Variants in ERCC2 observed in about 807,000 individuals in gnomAD.
ERCC2 encodes general transcription and DNA repair factor IIH helicase subunit XPD.
ERCC2 carries 90 observed loss-of-function variants against 99.4 expected under a neutral mutation model. That is an observed-to-expected ratio of 0.91 (90% CI 0.76 to 1.08). The LOEUF is 1.08. ERCC2 is among the 50% of genes least tolerant of loss of function. The pLI, the probability that ERCC2 is intolerant of heterozygous loss-of-function variation, is 0.00. For missense variants in ERCC2, 993 were observed against 1,038.1 expected (o/e 0.96, Z 0.60); for synonymous variants, 497 against 432.4 (o/e 1.15, Z -1.85).
At chr19:45,370,106 G>A in intron 2 of ERCC2, 27 bp downstream of exon 2, 1 of 1,611,000 alleles carries the variant, frequency 6.2e-7, no homozygotes, top group Non-Finnish European at 8.5e-7. Context: ...CGGTCGAGTG[G>A]GCGGGTCGGG....
chr19:45,358,483 C>T, intron 12 of ERCC2: 1 of 307,914 alleles, frequency 3.2e-6, no homozygotes, highest in East Asian at 7.5e-5. Context: ...CAGAGGGACC[C>T]TAGGGAAACC....
chr19:45,360,470 T>C (rs1326157608), intron 12 of ERCC2, among the ~76,000 whole-genome samples: 1 of 151,350 alleles, frequency 6.6e-6, no homozygotes, highest in Admixed American at 6.6e-5. Context: ...CTCTGCCTCC[T>C]GGGCTCAAGC....
At chr19:45,365,726 G>A (rs906174979) in intron 5 of ERCC2, among the ~76,000 whole-genome samples, 13 of 151,970 alleles carry the variant, frequency 8.6e-5, no homozygotes, top group Non-Finnish European at 1.3e-4. Flanking sequence ...AGAAGGCAGA[G>A]GTTGCAGTGA....
chr19:45,363,820 C>T lies in ERCC2; in HGVS notation c.1041G>A (p.Gln347=). ...LEYVKWRLRV[Q]HVVQESPPAF... ...CGGGCGGGCTCTCCTGCACCACATG[C>T]TGCACACGCAGCCGCCACTTCACGT... The change falls in exon 11 of 23, where the codon CAG becomes CAA. Residue 347 remains glutamine, a synonymous_variant. Transcript: ENST00000391945. 1 of 1,541,374 alleles carries T rather than the reference C, an allele frequency of 6.5e-7. No homozygotes were observed. The highest frequency in any genetic ancestry group is 8.7e-7 in the Non-Finnish European group (1 of 1,149,852).
At chr19:45,358,953 T>C (rs757306013) in intron 12 of ERCC2, 8 of 756,602 alleles carry the variant, frequency 1.1e-5, no homozygotes, top group Non-Finnish European at 1.5e-5. Context: ...AATTTACATA[T>C]TCGGTTTCAC....
intron 15 of ERCC2, among the ~76,000 whole-genome samples, chr19:45,356,219 C>A (rs1010896150): frequency 5.3e-5 from 8 of 152,210 alleles, no homozygotes; most frequent in African/African-American, 1.9e-4. Context: ...AGCCGGCAAC[C>A]TCACACAACC....
chr19:45,351,680 TAGCTGCTCCAGGCTG>T lies in ERCC2; in HGVS notation c.2217_2231del (p.Ser740_Leu744del), dbSNP rs1971786225. Reference sequence around the variant, plus strand: ...TCCTCTTCAGCGTCTCCTCTGATTCTAGCTGCTCCAGGCTGAGCAGGGACAGGCCCAGCTGATCCT... The same window carrying T: ...TCCTCTTCAGCGTCTCCTCTGATTCTAGCAGGGACAGGCCCAGCTGATCCT... On this transcript the variant is annotated inframe_deletion, in exon 23 of 23. Transcript: ENST00000391945. 1 of 1,613,894 alleles carries T rather than the reference TAGCTGCTCCAGGCTG, an allele frequency of 6.2e-7. No homozygotes were observed. The highest frequency in any genetic ancestry group is 1.1e-5 in the South Asian group (1 of 91,090).
At position 45,368,977 on chromosome 19, in the gene ERCC2, C is replaced by A; in HGVS notation, c.199G>T (p.Val67Leu). The A allele has an allele frequency of 6.2e-7, 1 of 1,614,232 alleles. No individual in the cohort carries two copies. Among genetic ancestry groups the A allele is most frequent in the Non-Finnish European group, 8.5e-7 (1 of 1,180,046 alleles). The change falls in exon 4 of 23, where the codon GTG (valine) becomes TTG (leucine). Residue 67 changes from valine to leucine, a missense_variant. Physicochemically the swap from Val to Leu is conservative, Grantham distance 32. Around this residue, in one of 3 missense-constraint regions of ERCC2, gnomAD observed 29 missense variants for 62.1 expected, o/e 0.47. Coordinates refer to ENST00000391945, the MANE Select transcript of ERCC2 (RefSeq NM_000400.4). ...CTTGAGCAGTAGATGAGTTTGGTCA[C>A]CTCCAGCGGATATGCCTGCCGATAA... is the stretch of plus-strand genomic sequence containing the variant. ...MAYQRAYPLE[V>L]TKLIYCSRTV... is the part of the protein sequence containing the mutation.
At chr19:45,370,458 C>G (rs905546251) in intron 1 of ERCC2, 78 bp downstream of exon 1, 5 of 1,522,132 alleles carry the variant, frequency 3.3e-6, no homozygotes, top group East Asian at 2.5e-5. Flanking sequence ...CTTGGGGACC[C>G]AGGCGCGCCC....
At chr19:45,370,463 G>T in intron 1 of ERCC2, 73 bp downstream of exon 1, 1 of 1,486,522 alleles carries the variant, frequency 6.7e-7, no homozygotes. Flanking sequence ...GGACCCAGGC[G>T]CGCCCACCGA....
At chr19:45,358,816 T>C (rs545714424) in intron 12 of ERCC2, 1 of 780,778 alleles carries the variant, frequency 1.3e-6, no homozygotes, top group South Asian at 1.3e-5. Flanking sequence ...TTTGGCTGCA[T>C]CTTTGCTACT....
chr19:45,367,074 C>T (rs945258356), intron 5 of ERCC2, among the ~76,000 whole-genome samples: 5 of 152,034 alleles, frequency 3.3e-5, no homozygotes, highest in African/African-American at 4.8e-5. Context: ...CACGATGGCT[C>T]ATGCCTGTAA....
intron 5 of ERCC2, among the ~76,000 whole-genome samples, chr19:45,365,469 G>C (rs1401569512): frequency 6.6e-6 from 1 of 152,186 alleles, no homozygotes; most frequent in African/African-American, 2.4e-5. Context: ...ACATTAGCCA[G>C]GCGTGGTGGC....
intron 5 of ERCC2, among the ~76,000 whole-genome samples, chr19:45,365,589 C>T (rs1443260376): frequency 4.6e-5 from 7 of 151,834 alleles, no homozygotes; most frequent in East Asian, 1.9e-4. Context: ...CCAGCCTGGG[C>T]GACAGAGTGA....
At chr19:45,366,244 G>A (rs1338818364) in intron 5 of ERCC2, among the ~76,000 whole-genome samples, 1 of 152,086 alleles carries the variant, frequency 6.6e-6, no homozygotes, top group African/African-American at 2.4e-5. Context: ...CCAGGTTCAA[G>A]CGATTCTCCT....
chr19:45,349,989 C>T lies in ERCC2; in HGVS notation c.*1640G>A. On this transcript the variant is annotated 3_prime_UTR_variant, in exon 23 of 23. Coordinates refer to ENST00000391945, the MANE Select transcript of ERCC2 (RefSeq NM_000400.4). Reference sequence around the variant, plus strand: ...TGAGGCACCGAGGCCATGCCACCAGCCCAAAGTACAGCAGACAGGCTCAGA... The same window carrying T: ...TGAGGCACCGAGGCCATGCCACCAGTCCAAAGTACAGCAGACAGGCTCAGA... The T allele has an allele frequency of 2.3e-6, 1 of 430,066 alleles. No homozygotes were observed. Among genetic ancestry groups the T allele is most frequent in the East Asian group, 4.0e-5 (1 of 24,910 alleles). The allele number at this position is 430,066 out of a possible 1,614,324, so 26.6% of individuals were successfully genotyped here.
chr19:45,362,616 G>A (rs1034486614), intron 11 of ERCC2, among the ~76,000 whole-genome samples: 4 of 152,206 alleles, frequency 2.6e-5, no homozygotes, highest in Admixed American at 6.5e-5. Flanking sequence ...CGCCTACCCC[G>A]GCTGGTCGCT....
chr19:45,361,229 C>A (rs1398806017), intron 12 of ERCC2, among the ~76,000 whole-genome samples: 1 of 152,066 alleles, frequency 6.6e-6, no homozygotes, highest in Non-Finnish European at 1.5e-5. Context: ...CAACTCATTA[C>A]CGTGCCCTCT....
rs1384073490 is a variant in ERCC2 at position 45,350,512 on chromosome 19, AGGTGCCCCCAACACAGGCACAGCT to A, written c.*1093_*1116del. ...CTCAGTGTCCCCCATCTTTCCCCCT[AGGTGCCCCCAACACAGGCACAGCT>A]GGTGACGCAGAACAGGTGAGGATGG... On this transcript the variant is annotated 3_prime_UTR_variant, in exon 23 of 23. Coordinates refer to ENST00000391945, the MANE Select transcript of ERCC2 (RefSeq NM_000400.4). 2 of 1,611,854 alleles carry A rather than the reference AGGTGCCCCCAACACAGGCACAGCT, an allele frequency of 1.2e-6. No individual in the cohort carries two copies. The highest frequency in any genetic ancestry group is 4.5e-5 in the East Asian group (2 of 44,744).
Sources: allele counts gnomAD v4.1 joint callset (sites outside exome capture counted in the v4.1 genomes callset), GRCh38; gene constraint gnomAD v4.1.1; regional missense constraint gnomAD v4.1.1; transcripts MANE v1.5; gene names NCBI Gene and HGNC (gene_info 2026-07-23, HGNC 2026-07-21).